YAP1: variants seen among roughly 807,000 people sequenced by gnomAD.
YAP1 encodes the protein transcriptional coactivator YAP1.
A neutral mutation model predicts 56.9 loss-of-function variants in YAP1; 5 were observed. That is an observed-to-expected ratio of 0.09 (90% CI 0.05 to 0.18). The LOEUF (loss-of-function observed/expected upper bound fraction) is 0.18. Among genes scored for constraint, YAP1 ranks in the 10% least tolerant of loss-of-function variants. YAP1 has a pLI of 1.00. For missense variants in YAP1, 539 were observed against 651.8 expected (o/e 0.83, Z 1.88); for synonymous variants, 265 against 248.1 (o/e 1.07, Z -0.64).
At chr11:102,228,988 A>G (rs1328934162) in intron 8 of YAP1, among the ~76,000 whole-genome samples, 1 of 152,174 alleles carries the variant, frequency 6.6e-6, no homozygotes, top group African/African-American at 2.4e-5. Flanking sequence ...CATTTCACAC[A>G]CAACACCTTT....
chr11:102,211,282 C>T (rs1949391388), intron 6 of YAP1, among the ~76,000 whole-genome samples: 1 of 151,996 alleles, frequency 6.6e-6, no homozygotes, highest in African/African-American at 2.4e-5. Flanking sequence ...TAAATCTTTA[C>T]TGTTATTAAA....
Position 102,114,273 on chromosome 11 carries a change from C to G in YAP1, c.451C>G (p.Pro151Ala). ...TLTPTGVVSG[P>A]AATPTAQHLR... ...GACCCCCACTGGAGTAGTCTCTGGC[C>G]CAGCAGCTACACCCACAGCTCAGCA... The change falls in exon 2 of 9, where the codon CCA becomes GCA. Residue 151 changes from proline (P) to alanine (A), a missense_variant. Coordinates refer to ENST00000282441, the MANE Select transcript of YAP1 (RefSeq NM_001130145.3). 6.2e-7 allele frequency: 1 copy of G among 1,614,136 alleles called. No homozygotes were observed. The highest frequency in any genetic ancestry group is 1.1e-5 in the South Asian group (1 of 91,076).
chr11:102,198,765 A>G (rs183339700), intron 4 of YAP1, among the ~76,000 whole-genome samples: 5 of 152,296 alleles, frequency 3.3e-5, no homozygotes, highest in Non-Finnish European at 5.9e-5. Flanking sequence ...AACTCATGCT[A>G]TCAAACCTGG....
intron 2 of YAP1, among the ~76,000 whole-genome samples, chr11:102,139,017 G>A (rs1016880853): frequency 2.0e-5 from 3 of 151,662 alleles, no homozygotes; most frequent in African/African-American, 7.3e-5. Context: ...CAAAAGCAAA[G>A]CATATATGTC....
At chr11:102,209,465 C>A in intron 5 of YAP1, 52 bp from the exon 6 acceptor site, 1 of 1,518,798 alleles carries the variant, frequency 6.6e-7, no homozygotes, top group Non-Finnish European at 9.1e-7. Context: ...GCCTACACAG[C>A]CAGACCATGT....
At chr11:102,150,802 G>GTTCTTTT (rs1945596178) in intron 2 of YAP1, among the ~76,000 whole-genome samples, 1 of 108,050 alleles carries the variant, frequency 9.3e-6, no homozygotes, top group Admixed American at 1.1e-4. Context: ...CATACAAATG[G>GTTCTTTT]TTTTTTTTTT....
At chr11:102,165,572 A>G (rs1248798433) in intron 3 of YAP1, among the ~76,000 whole-genome samples, 1 of 152,102 alleles carries the variant, frequency 6.6e-6, no homozygotes, top group Non-Finnish European at 1.5e-5. Flanking sequence ...GTGAGGAGAG[A>G]GTTGGAAGAA....
At chr11:102,160,398 TTA>T (rs1946199549) in intron 2 of YAP1, among the ~76,000 whole-genome samples, 2 of 152,228 alleles carry the variant, frequency 1.3e-5, no homozygotes, top group Admixed American at 1.3e-4. Context: ...CATAACCAGT[TTA>T]TCTCTTTACC....
Position 102,224,312 on chromosome 11 carries a change from C to T in YAP1, c.1163+560C>T, listed in dbSNP as rs116694202. On this transcript the variant is annotated intron_variant, in intron 7 of 8. Coordinates refer to ENST00000282441, the MANE Select transcript of YAP1 (RefSeq NM_001130145.3). ...AGGGATGCTTCTTAGTGAGTTACCA[C>T]AAATCCTGGGTTTCAGACAGATTGC... Among the ~76,000 whole-genome samples the T allele has an allele frequency of 5.0e-3, 767 of 152,312 alleles. 5 individuals are homozygous for T. Among genetic ancestry groups the T allele is most frequent in the African/African-American group, 0.018 (734 of 41,560 alleles).
In YAP1 at chr11:102,110,965, G is replaced by A. The variant is rs1166123435; in HGVS notation, c.117G>A (p.Ala39=). Residue 39 remains alanine (A), a synonymous_variant, in exon 1 of 9, where the codon GCG becomes GCA. Coordinates refer to ENST00000282441, the MANE Select transcript of YAP1 (RefSeq NM_001130145.3). The stretch of plus-strand genomic sequence containing the variant: ...CCGGACCCGGGCAACCGGCACCCGC[G>A]GCGACCCAGGCGGCGCCGCAGGCAC... ...PPSGPGQPAP[A]ATQAAPQAPP... 1 of 1,515,592 alleles carries A rather than the reference G, an allele frequency of 6.6e-7. No individual in the cohort carries two copies. The highest frequency in any genetic ancestry group is 2.1e-5 in the Admixed American group (1 of 46,938). The allele number at this position is 1,515,592 out of a possible 1,614,324, so 93.9% of individuals were successfully genotyped here.
chr11:102,162,687 T>C, intron 3 of YAP1, 116 bp downstream of exon 3: 1 of 965,704 alleles, frequency 1.0e-6, no homozygotes, highest in Non-Finnish European at 1.6e-6. Flanking sequence ...ATGTTTATTG[T>C]CTCTCCAGTT....
chr11:102,140,777 AGGT>A (rs1944973394), intron 2 of YAP1, among the ~76,000 whole-genome samples: 1 of 151,890 alleles, frequency 6.6e-6, no homozygotes, highest in African/African-American at 2.4e-5. Context: ...TGGGAGGTGG[AGGT>A]TGCAGTGAGC....
At chr11:102,115,958 A>T (rs1474871425) in intron 2 of YAP1, among the ~76,000 whole-genome samples, 1 of 152,232 alleles carries the variant, frequency 6.6e-6, no homozygotes, top group East Asian at 1.9e-4. Context: ...TGCTGTGGCT[A>T]AAAGTATAAG....
At chr11:102,115,529 G>T (rs1943225443) in intron 2 of YAP1, among the ~76,000 whole-genome samples, 2 of 151,874 alleles carry the variant, frequency 1.3e-5, no homozygotes, top group Non-Finnish European at 2.9e-5. Flanking sequence ...CAAAGGAAAA[G>T]GTTTGATCAT....
At chr11:102,210,489 C>T (rs1949344215) in intron 6 of YAP1, among the ~76,000 whole-genome samples, 1 of 152,132 alleles carries the variant, frequency 6.6e-6, no homozygotes, top group Non-Finnish European at 1.5e-5. Flanking sequence ...TTCATAGAAA[C>T]CAGTTAATTT....
At chr11:102,141,496 A>G (rs1461196765) in intron 2 of YAP1, among the ~76,000 whole-genome samples, 2 of 152,168 alleles carry the variant, frequency 1.3e-5, no homozygotes, top group Admixed American at 6.5e-5. Context: ...GCGCTAAACA[A>G]TGTGGTAAGC....
intron 2 of YAP1, among the ~76,000 whole-genome samples, chr11:102,131,027 T>G (rs1452740016): frequency 6.6e-6 from 1 of 152,200 alleles, no homozygotes; most frequent in Non-Finnish European, 1.5e-5. Flanking sequence ...CCTGTCTGTC[T>G]TCTTTGAGTT....
chr11:102,185,991 A>ATT lies in YAP1; in HGVS notation c.689-13_689-12dup, dbSNP rs34105163. On this transcript the variant is annotated intron_variant, in intron 3 of 8. Coordinates refer to ENST00000282441, the MANE Select transcript of YAP1 (RefSeq NM_001130145.3). ...TTAGGTGCACCAAATAAAAACCATG[A>ATT]TTTTTTTTTTTTTTTCTGTATTATA... The ATT allele has an allele frequency of 3.1e-3, 4,176 of 1,343,868 alleles. 1 individual carries two copies. Among genetic ancestry groups the ATT allele is most frequent in the South Asian group, 8.4e-3 (556 of 66,370 alleles). 83.2% of individuals were successfully genotyped at this position (1,343,868 alleles called of 1,614,324 possible). A position where few individuals can be genotyped will look rare whatever the true frequency, so the allele number is the denominator to read the frequency against.
intron 2 of YAP1, among the ~76,000 whole-genome samples, chr11:102,137,192 T>TAA (rs1944722966): frequency 6.6e-6 from 1 of 152,226 alleles, no homozygotes; most frequent in South Asian, 2.1e-4. Context: ...TGCTTCTTAC[T>TAA]GCCTTAGGAC....
Sources: gnomAD v4.1 joint callset for allele counts (sites outside exome capture counted in the v4.1 genomes callset) on GRCh38, gnomAD v4.1.1 for gene constraint, MANE v1.5 for transcripts, NCBI Gene and HGNC (gene_info 2026-07-23, HGNC 2026-07-21) for gene names.